SUSD1: variants seen among roughly 807,000 people sequenced by gnomAD.
SUSD1 encodes sushi domain containing 1.
SUSD1 carries 65 observed loss-of-function variants against 86.9 expected under a neutral mutation model. The observed-to-expected ratio is 0.75, with a 90% confidence interval of 0.61 to 0.92. The LOEUF (loss-of-function observed/expected upper bound fraction) is 0.92. SUSD1 is among the 40% of genes least tolerant of loss of function. The pLI, the probability that SUSD1 is intolerant of heterozygous loss-of-function variation, is 0.00. For synonymous variants in SUSD1, 346 were observed against 350.0 expected, an observed-to-expected ratio of 0.99 and a Z score of 0.13; for missense variants, 850 against 929.7, an observed-to-expected ratio of 0.91 and a Z score of 1.11.
rs1432783194 is a variant in SUSD1, at chr9:112,041,092, A to G, written c.*400T>C. Reference sequence around the variant, plus strand: ...ATGGATTCTGAATGAATTAACAGAAATGCTTTTATATAGGAGGTTGCAGAG... The same window carrying G: ...ATGGATTCTGAATGAATTAACAGAAGTGCTTTTATATAGGAGGTTGCAGAG... On this transcript the variant is annotated 3_prime_UTR_variant, in exon 17 of 17. Coordinates refer to ENST00000374270, the MANE Select transcript of SUSD1 (RefSeq NM_022486.5). The G allele has an allele frequency of 1.0e-5, 3 of 295,804 alleles. No individual in the cohort carries two copies. Among genetic ancestry groups the G allele is most frequent in the Admixed American group, 4.5e-5 (1 of 22,252 alleles). 18.3% of individuals were successfully genotyped at this position (295,804 alleles called of 1,614,324 possible).
At chr9:112,119,232 C>T (rs548640480) in intron 6 of SUSD1, among the ~76,000 whole-genome samples, 11 of 152,330 alleles carry the variant, frequency 7.2e-5, no homozygotes, top group African/African-American at 1.9e-4. Flanking sequence ...TGGGTGTGTA[C>T]GTTCATGCTC....
At chr9:112,111,904 T>C (rs1831117504) in intron 7 of SUSD1, 64 bp from the exon 8 acceptor site, 15 of 1,534,810 alleles carry the variant, frequency 9.8e-6, no homozygotes, top group Non-Finnish European at 1.2e-5. Flanking sequence ...GGATTTGTGG[T>C]GCTGGAGCCC....
intron 2 of SUSD1, among the ~76,000 whole-genome samples, chr9:112,150,786 C>G (rs1321657559): frequency 6.6e-6 from 1 of 152,062 alleles, no homozygotes; most frequent in Admixed American, 6.6e-5. Context: ...AGAAGTGGTA[C>G]AGTAAAAATA....
intron 15 of SUSD1, among the ~76,000 whole-genome samples, chr9:112,042,497 G>T (rs1472362158): frequency 6.6e-6 from 1 of 152,158 alleles, no homozygotes; most frequent in East Asian, 1.9e-4. Flanking sequence ...GAGGATAAAA[G>T]TACTTTGAAA....
rs536738147 is a variant in SUSD1 at position 112,098,575 on chromosome 9, C to T, written c.1369G>A (p.Val457Met). 254 of 1,614,204 alleles carry T rather than the reference C, an allele frequency of 1.6e-4. 3 individuals carry two copies. In the South Asian group the frequency reaches 2.5e-3, roughly 16 times the overall value. Residue 457 changes from valine to methionine, a missense_variant, in exon 10 of 17, where the codon GTG becomes ATG. Val to Met is a conservative substitution (Grantham distance 21, BLOSUM62 1). Transcript: ENST00000374270. Reference sequence around the variant, plus strand: ...GTCGTAGGGTACAGATCCAAACACACTACAGGCACTTGTTCCCTCGTTGTG... The same window carrying T: ...GTCGTAGGGTACAGATCCAAACACATTACAGGCACTTGTTCCCTCGTTGTG... Reference protein sequence around the residue: ...NFTTREQVPVVCLDLYPTTDY... With the variant: ...NFTTREQVPVMCLDLYPTTDY...
At chr9:112,073,655 G>A (rs1266659074) in intron 12 of SUSD1, among the ~76,000 whole-genome samples, 3 of 151,950 alleles carry the variant, frequency 2.0e-5, no homozygotes, top group African/African-American at 7.3e-5. Context: ...GAGAGGCTAA[G>A]GGCAGGCAGA....
At chr9:112,174,663 C>T (rs767792713) in intron 1 of SUSD1, among the ~76,000 whole-genome samples, 2 of 152,176 alleles carry the variant, frequency 1.3e-5, no homozygotes, top group Admixed American at 6.5e-5. Flanking sequence ...ATTTAGCATC[C>T]GGCTCTCTAA....
chr9:112,085,749 C>T (rs910280950), intron 10 of SUSD1, among the ~76,000 whole-genome samples: 3 of 152,104 alleles, frequency 2.0e-5, no homozygotes, highest in African/African-American at 4.8e-5. Flanking sequence ...AAAGTTAGCA[C>T]GTAATATATT....
chr9:112,091,532 G>T (rs530235184), intron 10 of SUSD1, among the ~76,000 whole-genome samples: 28 of 152,266 alleles, frequency 1.8e-4, no homozygotes, highest in African/African-American at 6.7e-4. Flanking sequence ...CTAAATGCAT[G>T]CAATCTTCTG....
At chr9:112,079,218 T>C (rs1288554743) in intron 11 of SUSD1, among the ~76,000 whole-genome samples, 1 of 152,016 alleles carries the variant, frequency 6.6e-6, no homozygotes, top group Non-Finnish European at 1.5e-5. Context: ...TGCAATACTA[T>C]AAATATTGTA....
chr9:112,052,479 C>G (rs1198001178), intron 14 of SUSD1, 41 bp from the exon 15 acceptor site: 2 of 1,611,716 alleles, frequency 1.2e-6, no homozygotes, highest in Non-Finnish European at 1.7e-6. Context: ...CTAGGTGGCA[C>G]ACAGTGTCAG....
At position 112,113,338 on chromosome 9, in the gene SUSD1, G is replaced by A. The variant is rs1248514233; in HGVS notation, c.887-470C>T. Among the ~76,000 whole-genome samples, 3 of 152,158 alleles carry A rather than the reference G, an allele frequency of 2.0e-5. No individual in the cohort carries two copies. The highest frequency in any genetic ancestry group is 2.9e-5 in the Non-Finnish European group (2 of 68,034). ...GACATGTCTCACCACACAGGACCAT[G>A]CCTCAGAAACAGGTTGGGGCAAACT... On this transcript the variant is annotated intron_variant, in intron 6 of 16. Coordinates refer to ENST00000374270, the MANE Select transcript of SUSD1 (RefSeq NM_022486.5). The surrounding 1 kb of genome is among the most constrained non-coding windows in gnomAD (Gnocchi z 4.1).
At chr9:112,131,967 G>A (rs955953471) in intron 5 of SUSD1, among the ~76,000 whole-genome samples, 2 of 152,096 alleles carry the variant, frequency 1.3e-5, no homozygotes, top group Non-Finnish European at 2.9e-5. Context: ...GGTTTCAAGG[G>A]CCAAATTTAT....
intron 6 of SUSD1, among the ~76,000 whole-genome samples, chr9:112,114,313 T>C (rs1831223016): frequency 6.6e-6 from 1 of 152,036 alleles, no homozygotes; most frequent in South Asian, 2.1e-4. Flanking sequence ...CAAAACCCCG[T>C]CTCTACTAAA....
chr9:112,115,824 G>GAA (rs58111856), intron 6 of SUSD1, among the ~76,000 whole-genome samples: 5 of 120,946 alleles, frequency 4.1e-5, no homozygotes, highest in Admixed American at 9.9e-5. Context: ...AAAAAAAAAA[G>GAA]AAAAAAAAAA....
chr9:112,095,701 A>G (rs1335710755), intron 10 of SUSD1, among the ~76,000 whole-genome samples: 2 of 152,232 alleles, frequency 1.3e-5, no homozygotes, highest in Admixed American at 1.3e-4. Context: ...GTCCAGAACT[A>G]AAACAATTTG....
At chr9:112,060,601 G>A (rs1769711052) in intron 13 of SUSD1, among the ~76,000 whole-genome samples, 1 of 152,112 alleles carries the variant, frequency 6.6e-6, no homozygotes, top group Admixed American at 6.5e-5. Context: ...CTGGCCCAGG[G>A]TCCTGATTTT....
chr9:112,112,666 A>C lies in SUSD1; in HGVS notation c.984+105T>G, dbSNP rs148939070. On this transcript the variant is annotated intron_variant, in intron 7 of 16. Coordinates refer to ENST00000374270, the MANE Select transcript of SUSD1 (RefSeq NM_022486.5). ...AAATAAAAGAAAAAAAGAAAAAAAA[A>C]CAGCAATTAGATTGAGAAGCTCTCA... 3.6e-4 allele frequency: 265 copies of C among 729,606 alleles called. 5 individuals carry two copies. The highest frequency in any genetic ancestry group is 3.4e-3 in the African/African-American group (188 of 55,780). The allele number at this position is 729,606 out of a possible 1,614,324, so 45.2% of individuals were successfully genotyped here. A position where few individuals can be genotyped will look rare whatever the true frequency, so the allele number is the denominator to read the frequency against.
intron 8 of SUSD1, among the ~76,000 whole-genome samples, chr9:112,110,588 C>G (rs1042971589): frequency 2.0e-5 from 3 of 150,518 alleles, no homozygotes; most frequent in African/African-American, 7.4e-5. Flanking sequence ...AGAGATGGGG[C>G]CTCACTGTGT....
Sources: allele counts gnomAD v4.1 joint callset (sites outside exome capture counted in the v4.1 genomes callset), GRCh38; gene constraint gnomAD v4.1.1; non-coding constraint Gnocchi (gnomAD v3.1); transcripts MANE v1.5; gene names NCBI Gene and HGNC (gene_info 2026-07-23, HGNC 2026-07-21).